TBC1D1: variants seen among roughly 807,000 people sequenced by gnomAD.
The protein encoded by TBC1D1 is TBC1 domain family member 1.
A neutral mutation model predicts 125.6 loss-of-function variants in TBC1D1; 89 were observed. The ratio of observed to expected loss-of-function variants is 0.71; its 90% CI spans 0.60 to 0.85. The LOEUF (loss-of-function observed/expected upper bound fraction) is 0.85, where lower values mean the gene tolerates loss of function less well. TBC1D1 is among the 40% of genes least tolerant of loss of function. TBC1D1 has a pLI of 0.00. For synonymous variants in TBC1D1, 565 were observed against 564.1 expected (o/e 1.00, Z -0.02); for missense variants, 1,377 against 1,469.2 (o/e 0.94, Z 1.03).
At chr4:38,079,696 C>T (rs1028954752) in intron 12 of TBC1D1, among the ~76,000 whole-genome samples, 1 of 151,750 alleles carries the variant, frequency 6.6e-6, no homozygotes. Context: ...CCATTGCAGT[C>T]CAGCCTGGGC....
chr4:38,081,171 C>T (rs546194120), intron 12 of TBC1D1, among the ~76,000 whole-genome samples: 7 of 152,196 alleles, frequency 4.6e-5, no homozygotes, highest in Admixed American at 4.6e-4. Flanking sequence ...CCAGTCTTCC[C>T]TGAGACGCTC....
At position 38,139,094 on chromosome 4, in the gene TBC1D1, T is replaced by C. The variant is rs983118394; in HGVS notation, c.*1759T>C. Reference sequence around the variant, plus strand: ...TTACTGTTGGATTTTGGGCATCTTATTACTGTTACTCAAAAACATTGACTC... The same window carrying C: ...TTACTGTTGGATTTTGGGCATCTTACTACTGTTACTCAAAAACATTGACTC... On this transcript the variant is annotated 3_prime_UTR_variant, in exon 20 of 20. Transcript: ENST00000261439. 6.6e-6 allele frequency: 1 copy of C among 152,644 alleles called. No individual in the cohort carries two copies. The highest frequency in any genetic ancestry group is 2.4e-5 in the African/African-American group (1 of 41,452). 9.5% of individuals were successfully genotyped at this position (152,644 alleles called of 1,614,324 possible).
chr4:37,942,782 C>T (rs1285665042), intron 2 of TBC1D1, among the ~76,000 whole-genome samples: 1 of 152,108 alleles, frequency 6.6e-6, no homozygotes, highest in African/African-American at 2.4e-5. Flanking sequence ...CCTTGTGATC[C>T]ACCCATCTTG....
At chr4:38,134,820 G>A (rs148602248) in intron 19 of TBC1D1, among the ~76,000 whole-genome samples, 180 of 152,304 alleles carry the variant, frequency 1.2e-3, no homozygotes, top group African/African-American at 4.3e-3. Context: ...ACAGTAATTG[G>A]TGATTACAGA....
chr4:38,103,357 G>A (rs77371885), intron 15 of TBC1D1, among the ~76,000 whole-genome samples, 200 bp downstream of exon 17: 1,745 of 152,238 alleles, frequency 0.011, 38 homozygotes, highest in African/African-American at 0.041. Flanking sequence ...TTTTCACTGG[G>A]GAGCTTGTTA....
At chr4:38,062,113 A>C (rs73810096) in intron 12 of TBC1D1, among the ~76,000 whole-genome samples, 1 of 152,056 alleles carries the variant, frequency 6.6e-6, no homozygotes, top group Admixed American at 6.5e-5. Flanking sequence ...CTTTCTTTTT[A>C]GACTCCTCAG....
intron 16 of TBC1D1, 52 bp from the exon 19 acceptor site, chr4:38,117,981 T>C: frequency 6.4e-7 from 1 of 1,569,536 alleles, no homozygotes; most frequent in South Asian, 1.1e-5. Flanking sequence ...GGCATAACTT[T>C]ATTGCTGTGG....
At chr4:38,074,439 G>T (rs943797637) in intron 12 of TBC1D1, among the ~76,000 whole-genome samples, 19 of 152,286 alleles carry the variant, frequency 1.2e-4, no homozygotes, top group African/African-American at 4.1e-4. Flanking sequence ...GACCAGGCTT[G>T]GAAGGATCGA....
chr4:37,907,153 T>G (rs1717516794), intron 2 of TBC1D1, among the ~76,000 whole-genome samples: 1 of 152,246 alleles, frequency 6.6e-6, no homozygotes, highest in Non-Finnish European at 1.5e-5. Flanking sequence ...TTCATTCTGT[T>G]GTGATGGATT....
At chr4:37,999,820 A>G (rs963476095) in intron 2 of TBC1D1, among the ~76,000 whole-genome samples, 1 of 152,234 alleles carries the variant, frequency 6.6e-6, no homozygotes, top group African/African-American at 2.4e-5. Context: ...TTCCATTGGC[A>G]GTGATAATAC....
chr4:37,908,197 A>C (rs1194183782), intron 2 of TBC1D1, among the ~76,000 whole-genome samples: 1 of 152,006 alleles, frequency 6.6e-6, no homozygotes, highest in African/African-American at 2.4e-5. Flanking sequence ...GACAGTGTAC[A>C]TGGAAGTATT....
At chr4:38,091,092 T>G (rs1400381000) in intron 13 of TBC1D1, among the ~76,000 whole-genome samples, 1 of 152,240 alleles carries the variant, frequency 6.6e-6, no homozygotes, top group Non-Finnish European at 1.5e-5. Flanking sequence ...CTACAATGCT[T>G]GTGAGTTATG....
At chr4:38,116,823 C>T (rs947976946) in intron 16 of TBC1D1, among the ~76,000 whole-genome samples, 3 of 152,188 alleles carry the variant, frequency 2.0e-5, no homozygotes, top group African/African-American at 7.2e-5. Context: ...GATACTATGC[C>T]TTCAGAGCTC....
chr4:37,904,220 T>TTC (rs879257881), intron 2 of TBC1D1, among the ~76,000 whole-genome samples: 2,828 of 152,372 alleles, frequency 0.019, 89 homozygotes, highest in African/African-American at 0.065. Context: ...AAGAAAATTT[T>TTC]ACTAGAGGCA....
At chr4:38,024,451 C>A (rs1744672905) in intron 6 of TBC1D1, among the ~76,000 whole-genome samples, 1 of 152,192 alleles carries the variant, frequency 6.6e-6, no homozygotes, top group African/African-American at 2.4e-5. Flanking sequence ...AAAGTTACAG[C>A]TGAAAAGTTT....
intron 12 of TBC1D1, 103 bp downstream of exon 14, chr4:38,054,441 T>C: frequency 6.8e-7 from 1 of 1,467,738 alleles, no homozygotes; most frequent in East Asian, 2.3e-5. Flanking sequence ...TCCTCTTCAG[T>C]ATTGGCAGGT....
intron 2 of TBC1D1, among the ~76,000 whole-genome samples, chr4:37,906,920 G>T (rs1448982596): frequency 1.3e-5 from 2 of 152,138 alleles, no homozygotes; most frequent in Admixed American, 1.3e-4. Context: ...GTTTATTTGG[G>T]TTATATCTAC....
At chr4:38,116,596 C>T (rs568271043) in intron 16 of TBC1D1, among the ~76,000 whole-genome samples, 9 of 152,280 alleles carry the variant, frequency 5.9e-5, no homozygotes, top group East Asian at 3.9e-4. Flanking sequence ...GTCTTGGAGC[C>T]GAGTTCCTAG....
At chr4:38,046,248 C>T (rs912906816) in intron 10 of TBC1D1, among the ~76,000 whole-genome samples, 39 of 151,792 alleles carry the variant, frequency 2.6e-4, no homozygotes, top group African/African-American at 8.5e-4. Flanking sequence ...GGCGGGCACC[C>T]GTAGTCCCAG....
Sources: gnomAD v4.1 joint callset for allele counts (sites outside exome capture counted in the v4.1 genomes callset) on GRCh38, gnomAD v4.1.1 for gene constraint, MANE v1.5 for transcripts, NCBI Gene and HGNC (gene_info 2026-07-23, HGNC 2026-07-21) for gene names.